HS3ST5: variants seen among roughly 807,000 people sequenced by gnomAD.
HS3ST5 encodes the protein heparan sulfate glucosamine 3-O-sulfotransferase 5.
In HS3ST5, 10 loss-of-function variants were observed where a neutral mutation model predicts 25.4. The ratio of observed to expected loss-of-function variants is 0.39; its 90% CI spans 0.24 to 0.67. HS3ST5 has a LOEUF of 0.67. HS3ST5 is among the 30% of genes least tolerant of loss of function. The pLI, the probability that HS3ST5 is intolerant of heterozygous loss-of-function variation, is 0.44. For missense variants in HS3ST5, 324 were observed against 420.7 expected (o/e 0.77, Z 2.01); for synonymous variants, 170 against 162.4 (o/e 1.05, Z -0.36).
At chr6:114,278,225 A>T (rs1268450917) in intron 1 of HS3ST5, among the ~76,000 whole-genome samples, 1 of 152,028 alleles carries the variant, frequency 6.6e-6, no homozygotes, top group Non-Finnish European at 1.5e-5. Flanking sequence ...TGCTGTAATA[A>T]AAAATAAATG....
chr6:114,090,560 T>C (rs1396493880), intron 3 of HS3ST5, among the ~76,000 whole-genome samples: 1 of 152,236 alleles, frequency 6.6e-6, no homozygotes, highest in Non-Finnish European at 1.5e-5. Flanking sequence ...AGTGTTACTA[T>C]GGGTATGCTA....
intron 3 of HS3ST5, among the ~76,000 whole-genome samples, chr6:114,070,618 A>T (rs1338606817): frequency 1.3e-5 from 2 of 152,136 alleles, no homozygotes; most frequent in Non-Finnish European, 1.5e-5. Context: ...TCTTTGTAAG[A>T]TCTTGATTAA....
intron 3 of HS3ST5, among the ~76,000 whole-genome samples, chr6:114,085,642 GGT>G (rs1774755149): frequency 6.6e-6 from 1 of 152,100 alleles, no homozygotes; most frequent in South Asian, 2.1e-4. Context: ...AGAATTCTAG[GGT>G]TTAGCAAAAA....
chr6:114,165,933 C>T (rs1779189079), intron 3 of HS3ST5, among the ~76,000 whole-genome samples: 1 of 152,122 alleles, frequency 6.6e-6, no homozygotes, highest in Admixed American at 6.6e-5. Context: ...TATAATCCAG[C>T]TACTTGGGAG....
intron 3 of HS3ST5, among the ~76,000 whole-genome samples, chr6:114,153,548 T>C (rs1290614509): frequency 6.6e-6 from 1 of 152,188 alleles, no homozygotes; most frequent in African/African-American, 2.4e-5. Flanking sequence ...TGCACCATAT[T>C]GGTGGAGAGA....
At chr6:114,260,747 A>T (rs1773135169) in intron 1 of HS3ST5, among the ~76,000 whole-genome samples, 1 of 152,212 alleles carries the variant, frequency 6.6e-6, no homozygotes. Context: ...TGTTCTAGGC[A>T]AAAGGGCCAG....
At chr6:114,186,556 G>C (rs1471994499) in intron 2 of HS3ST5, among the ~76,000 whole-genome samples, 1 of 152,166 alleles carries the variant, frequency 6.6e-6, no homozygotes, top group African/African-American at 2.4e-5. Flanking sequence ...GCAGAGGTTG[G>C]TTCATTAGGT....
chr6:114,190,211 T>A (rs886377991), intron 2 of HS3ST5, among the ~76,000 whole-genome samples: 10 of 151,860 alleles, frequency 6.6e-5, no homozygotes, highest in African/African-American at 2.4e-4. Flanking sequence ...AGATGGGGGG[T>A]GTCTAGTTGC....
chr6:114,111,074 G>C lies in HS3ST5; in HGVS notation c.-32-48197C>G, dbSNP rs558623303. Among the ~76,000 whole-genome samples the C allele has an allele frequency of 4.6e-5, 7 of 152,218 alleles. No homozygotes were observed. The East Asian group carries it at 1.4e-3, about 29-fold the overall frequency. On this transcript the variant is annotated intron_variant, in intron 3 of 4. Coordinates refer to ENST00000312719, the MANE Select transcript of HS3ST5 (RefSeq NM_153612.4). ...CAAAGTATAGAGAATATGCAAACCT[G>C]ACCTCTTATTTTTAGTAAACTATCG...
intron 2 of HS3ST5, among the ~76,000 whole-genome samples, chr6:114,198,126 A>C (rs1292411546): frequency 6.6e-6 from 1 of 152,088 alleles, no homozygotes; most frequent in Non-Finnish European, 1.5e-5. Context: ...AGTTCACTAG[A>C]GGAATTTCAA....
intron 3 of HS3ST5, among the ~76,000 whole-genome samples, chr6:114,166,421 A>G (rs1293925613): frequency 6.6e-6 from 1 of 152,224 alleles, no homozygotes; most frequent in South Asian, 2.1e-4. Flanking sequence ...AGAGATTCCA[A>G]GAGTGGCTGG....
chr6:114,310,170 T>G (rs2114840909), intron 1 of HS3ST5, among the ~76,000 whole-genome samples: 1 of 152,162 alleles, frequency 6.6e-6, no homozygotes, highest in Middle Eastern at 3.4e-3. Context: ...AAACTAAAAT[T>G]CTCCTATCTG....
chr6:114,153,802 C>A (rs778174692), intron 3 of HS3ST5, among the ~76,000 whole-genome samples: 4 of 152,204 alleles, frequency 2.6e-5, no homozygotes, highest in Non-Finnish European at 4.4e-5. Flanking sequence ...TAACTACTAT[C>A]TTAGTACTCA....
intron 3 of HS3ST5, among the ~76,000 whole-genome samples, chr6:114,118,777 C>T (rs779907929): frequency 1.9e-4 from 29 of 152,160 alleles, no homozygotes; most frequent in Non-Finnish European, 2.1e-4. Context: ...TAGAATAGGA[C>T]TATTCTGACC....
At chr6:114,202,308 T>C (rs1781060070) in intron 2 of HS3ST5, among the ~76,000 whole-genome samples, 1 of 152,176 alleles carries the variant, frequency 6.6e-6, no homozygotes, top group African/African-American at 2.4e-5. Flanking sequence ...TTGGTCCTCC[T>C]GACCCCACTT....
intron 3 of HS3ST5, among the ~76,000 whole-genome samples, chr6:114,092,651 C>CTTATTTAT (rs10691266): frequency 3.0e-4 from 44 of 146,714 alleles, no homozygotes; most frequent in African/African-American, 8.3e-4. Flanking sequence ...AGATGTCAGG[C>CTTATTTAT]TTATTTATTT....
chr6:114,335,303 G>A (rs1309657880), intron 1 of HS3ST5, among the ~76,000 whole-genome samples: 11 of 142,692 alleles, frequency 7.7e-5, no homozygotes, highest in Non-Finnish European at 1.6e-4. Context: ...AATTAAATGA[G>A]TGGCAAAAAA....
chr6:114,066,892 C>G (rs1311211422), intron 3 of HS3ST5, among the ~76,000 whole-genome samples: 4 of 152,176 alleles, frequency 2.6e-5, no homozygotes, highest in Non-Finnish European at 5.9e-5. Flanking sequence ...TGTCCCTCAT[C>G]TATTTTTGGT....
intron 3 of HS3ST5, among the ~76,000 whole-genome samples, chr6:114,069,813 C>T (rs909658853): frequency 6.6e-6 from 1 of 152,080 alleles, no homozygotes; most frequent in Non-Finnish European, 1.5e-5. Flanking sequence ...TGAGTCACCA[C>T]ACCCGGCCCA....
Sources: gnomAD v4.1 joint callset for allele counts (sites outside exome capture counted in the v4.1 genomes callset) on GRCh38, gnomAD v4.1.1 for gene constraint, MANE v1.5 for transcripts, NCBI Gene and HGNC (gene_info 2026-07-23, HGNC 2026-07-21) for gene names.